The following PLBD2 variants were observed in gnomAD, a reference collection of about 807,000 sequenced individuals.
PLBD2 encodes the protein phospholipase B domain containing 2.
PLBD2 carries 51 observed loss-of-function variants against 68.3 expected under a neutral mutation model. The observed-to-expected ratio is 0.75, with a 90% CI of 0.60 to 0.94. PLBD2 has a LOEUF of 0.94. PLBD2 is among the 40% of genes least tolerant of loss of function. PLBD2 has a pLI of 0.00. For missense variants in PLBD2, 729 were observed against 792.2 expected (o/e 0.92, Z 0.96); for synonymous variants, 314 against 339.3 (o/e 0.93, Z 0.82).
chr12:113,359,230 T>C (rs1957264143), intron 1 of PLBD2: 2 of 264,608 alleles, frequency 7.6e-6, no homozygotes, highest in Admixed American at 5.7e-5. Flanking sequence ...CACGGGGACC[T>C]GCTCCCTTCC....
intron 6 of PLBD2, among the ~76,000 whole-genome samples, chr12:113,381,433 C>A (rs1457541895): frequency 6.6e-6 from 1 of 152,096 alleles, no homozygotes; most frequent in African/African-American, 2.4e-5. Flanking sequence ...GAAAGTGAAC[C>A]CTTTGATCTC....
chr12:113,371,139 C>T (rs959848039), intron 2 of PLBD2, among the ~76,000 whole-genome samples: 3 of 152,222 alleles, frequency 2.0e-5, no homozygotes, highest in Admixed American at 6.5e-5. Context: ...TCCTGTGATG[C>T]AGATGGAGGC....
In PLBD2 at chr12:113,369,204, G is replaced by A; in HGVS notation, c.379G>A (p.Glu127Lys). Residue 127 changes from glutamate (E) to lysine (K), a missense_variant, in exon 2 of 12, where the codon GAG becomes AAG. Transcript: ENST00000280800. ...AAGVVEAAVS[E>K]ELIYMHWMNT... ...CGGTGTGGTGGAGGCTGCTGTGTCG[G>A]AGGAGGTAAGGGCCAAGGTGGGGAC... The A allele has an allele frequency of 6.3e-7, 1 of 1,599,404 alleles. No homozygotes were observed. The highest frequency in any genetic ancestry group is 8.5e-7 in the Non-Finnish European group (1 of 1,173,118).
intron 1 of PLBD2, among the ~76,000 whole-genome samples, chr12:113,362,409 C>T (rs1185841076): frequency 6.6e-6 from 1 of 151,938 alleles, no homozygotes; most frequent in Non-Finnish European, 1.5e-5. Flanking sequence ...CATCCAAGGC[C>T]ATACTAGACT....
chr12:113,373,084 C>T (rs541181105), intron 3 of PLBD2, among the ~76,000 whole-genome samples: 1 of 152,342 alleles, frequency 6.6e-6, no homozygotes, highest in South Asian at 2.1e-4. Context: ...TGCTTGTGTA[C>T]ATATGGTGTT....
intron 6 of PLBD2, among the ~76,000 whole-genome samples, chr12:113,382,838 TGTG>T (rs1565863966): frequency 2.5e-4 from 25 of 98,230 alleles, no homozygotes; most frequent in Non-Finnish European, 4.6e-4. Flanking sequence ...TGGTTTTTTG[TGTG>T]TGTGTGTGTG....
chr12:113,387,611 G>T, intron 10 of PLBD2, 133 bp from the exon 11 acceptor site: 1 of 960,590 alleles, frequency 1.0e-6, no homozygotes, highest in Non-Finnish European at 1.6e-6. Context: ...ACTGTCGGGG[G>T]TAGTGTGCAG....
chr12:113,375,275 A>G (rs1189609252), intron 5 of PLBD2: 2 of 484,858 alleles, frequency 4.1e-6, no homozygotes, highest in Non-Finnish European at 7.5e-6. Context: ...CCTCCCAAGT[A>G]TCTGGAACTA....
At chr12:113,367,239 A>C (rs1376858433) in intron 1 of PLBD2, among the ~76,000 whole-genome samples, 2 of 152,250 alleles carry the variant, frequency 1.3e-5, no homozygotes, top group Non-Finnish European at 2.9e-5. Context: ...AATATAAATG[A>C]CCAATAAAAA....
At chr12:113,383,811 C>T (rs1279241577) in intron 6 of PLBD2, among the ~76,000 whole-genome samples, 2 of 151,078 alleles carry the variant, frequency 1.3e-5, no homozygotes, top group African/African-American at 2.4e-5. Flanking sequence ...CCAGCCTAGC[C>T]AACATGGAGA....
intron 2 of PLBD2, among the ~76,000 whole-genome samples, chr12:113,370,706 G>C (rs77100882): frequency 0.021 from 3,266 of 152,142 alleles, 57 homozygotes; most frequent in Non-Finnish European, 0.035. Flanking sequence ...TCAAACTCCT[G>C]ACCTCAAGTG....
intron 2 of PLBD2, among the ~76,000 whole-genome samples, chr12:113,370,462 TTTTTC>T (rs1291498192): frequency 2.0e-5 from 3 of 150,088 alleles, no homozygotes; most frequent in African/African-American, 7.4e-5. Context: ...TGTAATTTTC[TTTTTC>T]TTTTCTTTTT....
At chr12:113,362,678 G>C (rs1362779148) in intron 1 of PLBD2, among the ~76,000 whole-genome samples, 1 of 151,742 alleles carries the variant, frequency 6.6e-6, no homozygotes, top group Non-Finnish European at 1.5e-5. Context: ...AAACAAAGGA[G>C]AGCAATATTT....
At position 113,358,720 on chromosome 12, in the gene PLBD2, G is replaced by T; in HGVS notation, c.120G>T (p.Gly40=). The part of the protein sequence containing the change: ...LVGPFLSGLA[G]AIPAPGGRWA... ...GGCCGTTCCTGAGCGGCCTGGCGGG[G>T]GCGATCCCAGCGCCGGGGGGCCGCT... The change falls in exon 1 of 12, where the codon GGG becomes GGT. Residue 40 remains glycine, a synonymous_variant. Coordinates refer to ENST00000280800, the MANE Select transcript of PLBD2 (RefSeq NM_173542.4). The T allele has an allele frequency of 2.9e-6, 4 of 1,393,672 alleles. No individual in the cohort carries two copies. The highest frequency in any genetic ancestry group is 3.7e-6 in the Non-Finnish European group (4 of 1,080,708). 86.3% of individuals were successfully genotyped at this position (1,393,672 alleles called of 1,614,324 possible).
chr12:113,382,119 G>C (rs1261508023), intron 6 of PLBD2, among the ~76,000 whole-genome samples: 2 of 152,140 alleles, frequency 1.3e-5, no homozygotes, highest in African/African-American at 2.4e-5. Flanking sequence ...CACTGTGCCT[G>C]GCAAATTAGT....
rs202021314 is a variant in PLBD2 at position 113,374,450 on chromosome 12, C to T, written c.544-24C>T. 6.6e-6 allele frequency: 10 copies of T among 1,507,062 alleles called. No individual in the cohort carries two copies. The African/African-American group carries it at 1.1e-4, about 17-fold the overall frequency. 93.4% of individuals were successfully genotyped at this position (1,507,062 alleles called of 1,614,324 possible). On this transcript the variant is annotated intron_variant, in intron 3 of 11. Coordinates refer to ENST00000280800, the MANE Select transcript of PLBD2 (RefSeq NM_173542.4). ...GCCTGGAGGAGAGGCCTCACCCTCCCTCTGCCCCCGCCCCCTCCCCTAGGT... is the reference window on the plus strand; with the variant it reads ...GCCTGGAGGAGAGGCCTCACCCTCCTTCTGCCCCCGCCCCCTCCCCTAGGT...
intron 1 of PLBD2, among the ~76,000 whole-genome samples, chr12:113,367,586 C>T (rs970620401): frequency 6.6e-6 from 1 of 151,808 alleles, no homozygotes; most frequent in African/African-American, 2.4e-5. Flanking sequence ...CCCGTCTCTA[C>T]AAAAAATACC....
At chr12:113,367,242 A>G (rs1173906250) in intron 1 of PLBD2, among the ~76,000 whole-genome samples, 2 of 152,268 alleles carry the variant, frequency 1.3e-5, no homozygotes, top group African/African-American at 4.8e-5. Context: ...ATAAATGACC[A>G]ATAAAAATAA....
At position 113,373,662 on chromosome 12, in the gene PLBD2, G is replaced by A. The variant is rs527953455; in HGVS notation, c.544-812G>A. Among the ~76,000 whole-genome samples the A allele has an allele frequency of 5.5e-5, 8 of 144,454 alleles. No individual in the cohort carries two copies. The South Asian group carries it at 6.7e-4, about 12-fold the overall frequency. 94.8% of individuals were successfully genotyped at this position (144,454 alleles called of 152,430 possible). ...CATCTATTCACTCACTCATCCATCC[G>A]TTCATTTACCCACCCATTTACCCAC... On this transcript the variant is annotated intron_variant, in intron 3 of 11. Coordinates refer to ENST00000280800, the MANE Select transcript of PLBD2 (RefSeq NM_173542.4).
Sources: allele counts gnomAD v4.1 joint callset (sites outside exome capture counted in the v4.1 genomes callset), GRCh38; gene constraint gnomAD v4.1.1; transcripts MANE v1.5; gene names NCBI Gene and HGNC (gene_info 2026-07-23, HGNC 2026-07-21).